PDE10A: variants seen among roughly 807,000 people sequenced by gnomAD.
The protein encoded by PDE10A is phosphodiesterase 10A.
PDE10A carries 39 observed loss-of-function variants against 97.7 expected under a neutral mutation model. That is an observed-to-expected ratio of 0.40 (90% confidence interval 0.31 to 0.52). The LOEUF is 0.52. Among genes scored for constraint, PDE10A ranks in the 20% least tolerant of loss-of-function variants. The pLI is 0.56. For synonymous variants in PDE10A, 371 were observed against 376.8 expected (o/e 0.98, Z 0.18); for missense variants, 731 against 1,047.8 (o/e 0.70, Z 4.17).
intron 1 of PDE10A, among the ~76,000 whole-genome samples, chr6:165,967,095 A>G (rs1784532785): frequency 6.6e-6 from 1 of 152,176 alleles, no homozygotes; most frequent in Admixed American, 6.5e-5. Flanking sequence ...CCGTATATGG[A>G]AGGGTACAAC....
At chr6:165,843,858 G>A (rs564021444) in intron 1 of PDE10A, among the ~76,000 whole-genome samples, 72 of 152,306 alleles carry the variant, frequency 4.7e-4, no homozygotes, top group African/African-American at 1.7e-3. Context: ...GGCTCAAGTC[G>A]GTGCCTAAAG....
chr6:165,932,863 A>G (rs1562804327), intron 1 of PDE10A, among the ~76,000 whole-genome samples: 1 of 152,246 alleles, frequency 6.6e-6, no homozygotes, highest in Non-Finnish European at 1.5e-5. Flanking sequence ...GCTGGTGGAT[A>G]GCAGGTTGCC....
chr6:165,512,388 T>C (rs1781555549), intron 2 of PDE10A, among the ~76,000 whole-genome samples: 1 of 151,704 alleles, frequency 6.6e-6, no homozygotes, highest in African/African-American at 2.4e-5. Flanking sequence ...ATTATAGTAA[T>C]AAATTATTAT....
chr6:165,850,459 T>G (rs930351571), intron 1 of PDE10A, among the ~76,000 whole-genome samples: 4 of 152,224 alleles, frequency 2.6e-5, no homozygotes, highest in African/African-American at 9.6e-5. Context: ...TTATCATCAA[T>G]AGCTGAGGAG....
intron 1 of PDE10A, chr6:165,781,003 T>C (rs1778327084): frequency 6.6e-6 from 1 of 152,302 alleles, no homozygotes; most frequent in African/African-American, 2.4e-5. Flanking sequence ...TTGGAATCAC[T>C]GATGCAGATC....
chr6:165,906,227 G>T (rs116356537), intron 1 of PDE10A, among the ~76,000 whole-genome samples: 1,596 of 150,736 alleles, frequency 0.011, 25 homozygotes, highest in African/African-American at 0.035. Flanking sequence ...TTGTCACAAA[G>T]TCCTTCGGCC....
intron 1 of PDE10A, chr6:165,940,694 C>T (rs1783489589): frequency 1.3e-5 from 2 of 152,270 alleles, no homozygotes; most frequent in African/African-American, 4.8e-5. Context: ...TGTCCTGTGC[C>T]TCCCTGTGAA....
rs568371324 is a variant in PDE10A at position 165,610,517 on chromosome 6, C to T, written c.865+51430G>A. On this transcript the variant is annotated intron_variant, in intron 1 of 21. Coordinates refer to ENST00000539869, the MANE Select transcript of PDE10A (RefSeq NM_001385079.1). ...CTGCACTCCAGCCTGGGTGACAGAG[C>T]GAGACTCCGTCTCAAAAAAAAAAAA... 1.0e-4 allele frequency among the ~76,000 whole-genome samples: 14 copies of T among 135,362 alleles called. No homozygotes were observed. The East Asian group carries it at 1.3e-3, about 12-fold the overall frequency. The allele number at this position is 135,362 out of a possible 152,430, so 88.8% of individuals were successfully genotyped here.
At chr6:165,455,567 A>G (rs1777906468) in intron 3 of PDE10A, among the ~76,000 whole-genome samples, 1 of 152,212 alleles carries the variant, frequency 6.6e-6, no homozygotes, top group Non-Finnish European at 1.5e-5. Context: ...TCAAACTTCA[A>G]AAACTACTAA....
chr6:165,417,340 G>C (rs1788390477), intron 11 of PDE10A, among the ~76,000 whole-genome samples: 1 of 152,102 alleles, frequency 6.6e-6, no homozygotes, highest in Non-Finnish European at 1.5e-5. Context: ...GTTGGTCTGA[G>C]AGCAGTCTGA....
At chr6:165,783,596 A>AAAC (rs35175157) in intron 1 of PDE10A, among the ~76,000 whole-genome samples, 1 of 151,910 alleles carries the variant, frequency 6.6e-6, no homozygotes, top group Non-Finnish European at 1.5e-5. Context: ...AACGAGTCAC[A>AAAC]TAGAATGAAA....
At chr6:165,905,025 T>C (rs1406764684) in intron 1 of PDE10A, among the ~76,000 whole-genome samples, 1 of 152,230 alleles carries the variant, frequency 6.6e-6, no homozygotes, top group African/African-American at 2.4e-5. Flanking sequence ...TTAGTCATTA[T>C]GAGCTTTTGT....
chr6:165,947,441 G>T lies in PDE10A; in HGVS notation c.-615+40088C>A, dbSNP rs560313240. Among the ~76,000 whole-genome samples, 424 of 152,114 alleles carry T rather than the reference G, an allele frequency of 2.8e-3. 1 individual carries two copies. The highest frequency in any genetic ancestry group is 4.8e-3 in the Non-Finnish European group (329 of 67,974). ...TGCATTAAACTACATATCTAATGTT[G>T]ATTTTTCTAATTCTATCATTTATTC... is the stretch of plus-strand genomic sequence containing the variant. On this transcript the variant is annotated intron_variant, in intron 1 of 19. Coordinates refer to the PDE10A transcript ENST00000366882.
At position 165,640,144 on chromosome 6, in the gene PDE10A, C is replaced by G. The variant is rs548625092; in HGVS notation, c.865+21803G>C. On this transcript the variant is annotated intron_variant, in intron 1 of 21. Transcript: ENST00000539869. ...TAAGTTGCATGCATGTAACTCTTTC[C>G]CATTAGGGTATAGGAAATGCAGACT... Among the ~76,000 whole-genome samples the G allele has an allele frequency of 2.4e-3, 366 of 151,856 alleles. 4 individuals carry two copies. The highest frequency in any genetic ancestry group is 8.6e-3 in the African/African-American group (355 of 41,412).
At chr6:165,422,685 A>G (rs750453759) in intron 10 of PDE10A, among the ~76,000 whole-genome samples, 8 of 152,330 alleles carry the variant, frequency 5.3e-5, no homozygotes, top group Non-Finnish European at 8.8e-5. Flanking sequence ...TCTTTGAACT[A>G]TTTTAGAAAA....
chr6:165,374,206 T>C (rs1258788855), intron 18 of PDE10A, among the ~76,000 whole-genome samples: 1 of 151,352 alleles, frequency 6.6e-6, no homozygotes, highest in Non-Finnish European at 1.5e-5. Context: ...ATTGTGCACA[T>C]GTACCCTAAA....
intron 1 of PDE10A, among the ~76,000 whole-genome samples, chr6:165,591,679 T>C (rs1786277497): frequency 6.6e-6 from 1 of 152,238 alleles, no homozygotes; most frequent in Non-Finnish European, 1.5e-5. Flanking sequence ...AACATGTGTG[T>C]TGTTTTTTGC....
intron 1 of PDE10A, among the ~76,000 whole-genome samples, chr6:165,955,662 A>G (rs1784114636): frequency 6.6e-6 from 1 of 152,236 alleles, no homozygotes; most frequent in Non-Finnish European, 1.5e-5. Flanking sequence ...TTTAAGTGCG[A>G]GTAGAAAAGT....
At chr6:165,533,749 CT>C (rs1476609085) in intron 2 of PDE10A, among the ~76,000 whole-genome samples, 1 of 152,074 alleles carries the variant, frequency 6.6e-6, no homozygotes, top group Non-Finnish European at 1.5e-5. Context: ...GAAGCAGATT[CT>C]TTTTAACTGG....
Sources: allele counts gnomAD v4.1 joint callset (sites outside exome capture counted in the v4.1 genomes callset), GRCh38; gene constraint gnomAD v4.1.1; transcripts MANE v1.5; gene names NCBI Gene and HGNC (gene_info 2026-07-23, HGNC 2026-07-21).